Variants in OTOF observed in about 807,000 individuals in gnomAD.
OTOF encodes otoferlin.
A neutral mutation model predicts 236.8 loss-of-function variants in OTOF; 218 were observed. The ratio of observed to expected loss-of-function variants is 0.92; its 90% CI spans 0.82 to 1.03. The LOEUF (loss-of-function observed/expected upper bound fraction) is 1.03, where lower values mean the gene tolerates loss of function less well. Ranked by LOEUF, OTOF falls within the 50% of genes least tolerant of loss-of-function variation. The probability of loss-of-function intolerance (pLI) is 0.00; values close to 1 mark genes in which losing one functional copy is unlikely to be tolerated. For missense variants in OTOF, 2,590 were observed against 2,694.4 expected (o/e 0.96, Z 0.86); for synonymous variants, 1,041 against 1,072.5 (o/e 0.97, Z 0.57).
chr2:26,530,534 A>G (rs1388543140), intron 2 of OTOF, among the ~76,000 whole-genome samples: 1 of 152,200 alleles, frequency 6.6e-6, no homozygotes, highest in Non-Finnish European at 1.5e-5. Context: ...ACTGAGTCAC[A>G]GCAGCTTCTT....
chr2:26,474,297 AC>A (rs1212333724), intron 26 of OTOF, among the ~76,000 whole-genome samples, 187 bp from the exon 27 acceptor site: 44 of 129,714 alleles, frequency 3.4e-4, no homozygotes, highest in African/African-American at 1.2e-3. Flanking sequence ...CCAGGCCCCA[AC>A]CCCCAGGACC....
At chr2:26,499,670 C>T (rs1012855556) in intron 8 of OTOF, among the ~76,000 whole-genome samples, 40 of 152,008 alleles carry the variant, frequency 2.6e-4, no homozygotes, top group African/African-American at 9.4e-4. Context: ...ACCACCATGC[C>T]TGGCTAATTT....
intron 14 of OTOF, 106 bp downstream of exon 14, chr2:26,482,300 A>C: frequency 9.1e-7 from 1 of 1,101,648 alleles, no homozygotes; most frequent in South Asian, 1.3e-5. Flanking sequence ...TGTGAGGCTG[A>C]GGACCAGAGC....
chr2:26,543,134 G>A (rs985702024), intron 1 of OTOF, among the ~76,000 whole-genome samples: 7 of 152,060 alleles, frequency 4.6e-5, no homozygotes, highest in African/African-American at 9.7e-5. Flanking sequence ...CCTCTACAGC[G>A]ACTCTCTGAG....
At chr2:26,527,959 AC>A in intron 2 of OTOF, 39 bp from the exon 3 acceptor site, 1 of 1,448,454 alleles carries the variant, frequency 6.9e-7, no homozygotes, top group Non-Finnish European at 9.7e-7. Context: ...GGTGGCAATA[AC>A]AGGTAGGAGC....
chr2:26,458,520 G>A (rs916807401), intron 46 of OTOF, among the ~76,000 whole-genome samples: 3 of 152,316 alleles, frequency 2.0e-5, no homozygotes, highest in Admixed American at 1.3e-4. Flanking sequence ...AAGCTCCTGC[G>A]GTTAGCTCGT....
chr2:26,489,380 G>C (rs1665781432), intron 10 of OTOF, 85 bp from the exon 11 acceptor site: 1 of 1,079,168 alleles, frequency 9.3e-7, no homozygotes, highest in Non-Finnish European at 1.4e-6. Context: ...GAGCTTTGTG[G>C]TGAAGTGGGA....
At chr2:26,528,530 T>C (rs1666865415) in intron 2 of OTOF, among the ~76,000 whole-genome samples, 1 of 152,254 alleles carries the variant, frequency 6.6e-6, no homozygotes, top group South Asian at 2.1e-4. Flanking sequence ...CAACTCATTG[T>C]TTCTAGATTC....
chr2:26,535,634 T>A (rs977826652), intron 2 of OTOF, among the ~76,000 whole-genome samples: 2 of 152,184 alleles, frequency 1.3e-5, no homozygotes, highest in African/African-American at 4.8e-5. Flanking sequence ...CTTCCATAAC[T>A]GCTTCTGCCC....
intron 12 of OTOF, among the ~76,000 whole-genome samples, chr2:26,484,191 TATACTC>T (rs1665643654): frequency 6.6e-6 from 1 of 152,230 alleles, no homozygotes. Flanking sequence ...TTCCTGCTGC[TATACTC>T]AGGACCCAGC....
intron 33 of OTOF, 121 bp downstream of exon 33, chr2:26,468,287 T>C (rs1664826319): frequency 2.5e-6 from 2 of 796,392 alleles, no homozygotes; most frequent in African/African-American, 1.7e-5. Context: ...GCTGCTTCCC[T>C]GGCTACTAAG....
chr2:26,540,923 C>T (rs1274194973), intron 1 of OTOF, among the ~76,000 whole-genome samples: 5 of 152,280 alleles, frequency 3.3e-5, no homozygotes, highest in South Asian at 2.1e-4. Context: ...AACAAGCCCC[C>T]GGGCAATCAA....
chr2:26,466,998 G>C (rs948652909), intron 35 of OTOF, 101 bp downstream of exon 35: 11 of 1,568,074 alleles, frequency 7.0e-6, no homozygotes, highest in African/African-American at 1.3e-5. Flanking sequence ...CAGGGCTTCT[G>C]GAGGCAGTGG....
chr2:26,551,576 A>G (rs913277313), intron 1 of OTOF, among the ~76,000 whole-genome samples: 1 of 152,168 alleles, frequency 6.6e-6, no homozygotes, highest in African/African-American at 2.4e-5. Context: ...AAAGCTCCTC[A>G]TGATGATGGG....
intron 2 of OTOF, among the ~76,000 whole-genome samples, chr2:26,532,665 C>T (rs1666978380): frequency 1.3e-5 from 2 of 151,888 alleles, no homozygotes; most frequent in East Asian, 3.9e-4. Flanking sequence ...GGAAAGAGGG[C>T]CTCTGTTGGA....
intron 3 of OTOF, among the ~76,000 whole-genome samples, chr2:26,524,121 G>A (rs180919921): frequency 6.6e-6 from 1 of 152,350 alleles, no homozygotes; most frequent in East Asian, 1.9e-4. Flanking sequence ...GGGGTTTCCT[G>A]CCTTCTCTTG....
chr2:26,477,394 C>T lies in OTOF; in HGVS notation c.2406+22G>A, dbSNP rs1238337252. ...ACAACCAGGCCCTCCCTCCAGCCCC[C>T]GCCGTCCAGTTGCGTCCTCACCAGC... On this transcript the variant is annotated intron_variant, in intron 20 of 46. Transcript: ENST00000272371. The surrounding 1 kb of genome is among the most constrained non-coding windows in gnomAD (Gnocchi z 4.7). 15 of 1,571,234 alleles carry T rather than the reference C, an allele frequency of 9.5e-6. No homozygotes were observed. The highest frequency in any genetic ancestry group is 5.8e-5 in the South Asian group (5 of 85,808).
At chr2:26,464,256 AAGG>A in intron 39 of OTOF, 150 bp from the exon 40 acceptor site, 2 of 1,015,046 alleles carry the variant, frequency 2.0e-6, no homozygotes, top group East Asian at 2.6e-5. Context: ...TGAGGCACAG[AAGG>A]AGAAGTGGCT....
At chr2:26,493,210 G>A (rs1417718386) in intron 9 of OTOF, among the ~76,000 whole-genome samples, 5 of 152,202 alleles carry the variant, frequency 3.3e-5, no homozygotes, top group African/African-American at 1.2e-4. Flanking sequence ...TGGGAGAGCA[G>A]AGTCAATTTG....
Sources: gnomAD v4.1 joint callset for allele counts (sites outside exome capture counted in the v4.1 genomes callset) on GRCh38, gnomAD v4.1.1 for gene constraint, Gnocchi (gnomAD v3.1) non-coding constraint, MANE v1.5 for transcripts, NCBI Gene and HGNC (gene_info 2026-07-23, HGNC 2026-07-21) for gene names.